Variants in PKD2 observed in about 807,000 individuals in gnomAD.
The protein encoded by PKD2 is polycystin-2.
A neutral mutation model predicts 105.9 loss-of-function variants in PKD2; 48 were observed. The observed-to-expected ratio is 0.45, with a 90% CI of 0.36 to 0.58. PKD2 has a LOEUF of 0.58. Ranked by LOEUF, PKD2 falls within the 20% of genes least tolerant of loss-of-function variation. The pLI, the probability that PKD2 is intolerant of heterozygous loss-of-function variation, is 0.00. For synonymous variants in PKD2, 464 were observed against 481.1 expected (o/e 0.96, Z 0.46); for missense variants, 1,078 against 1,255.3 (o/e 0.86, Z 2.13).
intron 2 of PKD2, among the ~76,000 whole-genome samples, chr4:88,022,364 A>G (rs529809075): frequency 7.4e-4 from 113 of 152,356 alleles, no homozygotes; most frequent in Non-Finnish European, 1.5e-3. Context: ...AGATTGGTCT[A>G]AGAACATCAG....
At position 88,065,363 on chromosome 4, in the gene PKD2, C is replaced by G; in HGVS notation, c.2119-11C>G. 1.2e-6 allele frequency: 2 copies of G among 1,610,244 alleles called. No homozygotes were observed. The highest frequency in any genetic ancestry group is 2.2e-5 in the South Asian group (2 of 90,990). ...CTAAACCAAGTCTTTTATTTTTTCT[C>G]TCTCTGATAGGGCTACCATAAAGCT... On this transcript the variant is annotated splice_polypyrimidine_tract_variant and intron_variant, in intron 10 of 14. Coordinates refer to ENST00000237596, the MANE Select transcript of PKD2 (RefSeq NM_000297.4).
At chr4:88,057,436 CTTT>C (rs770879919) in intron 8 of PKD2, among the ~76,000 whole-genome samples, 8 of 134,338 alleles carry the variant, frequency 6.0e-5, no homozygotes, top group Admixed American at 7.5e-5. Context: ...ATTGTATTTT[CTTT>C]TTTTTTTTTT....
chr4:88,038,262 C>T lies in PKD2; in HGVS notation c.855C>T (p.Gly285=). ...SMEDFWKFTE[G]SLLDGLYWKM... is the part of the protein sequence containing the mutation. The stretch of plus-strand genomic sequence containing the variant: ...TCCTTTGCTTTTAGTTCACAGAAGG[C>T]TCCTTATTGGATGGGCTGTACTGGA... The change falls in exon 4 of 15, where the codon GGC becomes GGT. Residue 285 remains glycine, a synonymous_variant. Transcript: ENST00000237596. The T allele has an allele frequency of 6.2e-7, 1 of 1,614,064 alleles. No homozygotes were observed.
intron 4 of PKD2, among the ~76,000 whole-genome samples, chr4:88,039,026 TG>T (rs1403071587): frequency 6.6e-6 from 1 of 152,246 alleles, no homozygotes; most frequent in Non-Finnish European, 1.5e-5. Flanking sequence ...AGGGGCTTTT[TG>T]TACACTTTGG....
At chr4:88,070,882 G>T (rs545211816) in intron 13 of PKD2, among the ~76,000 whole-genome samples, 1 of 150,694 alleles carries the variant, frequency 6.6e-6, no homozygotes, top group East Asian at 2.0e-4. Flanking sequence ...TGATCCTTCC[G>T]CCTCGGCCTC....
At chr4:88,010,074 A>C (rs1726331831) in intron 1 of PKD2, among the ~76,000 whole-genome samples, 2 of 151,950 alleles carry the variant, frequency 1.3e-5, no homozygotes. Context: ...TTTGTAGGAG[A>C]GCAGACTCAG....
chr4:88,056,071 T>C lies in PKD2; in HGVS notation c.1717-15T>C, dbSNP rs1244189478. ...GTTTATCCATTCATCTATTGATGTC[T>C]TCTCTCTCTTACAGCTCTTCAAATT... is the stretch of plus-strand genomic sequence containing the variant. On this transcript the variant is annotated splice_polypyrimidine_tract_variant and intron_variant, in intron 7 of 14. Transcript: ENST00000237596. 6.4e-7 allele frequency: 1 copy of C among 1,567,376 alleles called. No homozygotes were observed. Among genetic ancestry groups the C allele is most frequent in the Non-Finnish European group, 8.8e-7 (1 of 1,137,544 alleles).
intron 9 of PKD2, among the ~76,000 whole-genome samples, chr4:88,059,184 A>G (rs1320411725): frequency 1.3e-5 from 2 of 152,196 alleles, no homozygotes; most frequent in Non-Finnish European, 2.9e-5. Context: ...TGTAAAACAA[A>G]GGTGTGTTCC....
intron 6 of PKD2, among the ~76,000 whole-genome samples, chr4:88,051,329 T>C (rs955296300): frequency 6.6e-6 from 1 of 152,204 alleles, no homozygotes; most frequent in East Asian, 1.9e-4. Context: ...AGGATATCTT[T>C]TGTCCCTCTT....
Position 88,007,691 on chromosome 4 carries a change from AGCGCGGCGCCGC to A in PKD2, c.-40_-29del. On this transcript the variant is annotated 5_prime_UTR_variant, in exon 1 of 15. Coordinates refer to ENST00000237596, the MANE Select transcript of PKD2 (RefSeq NM_000297.4). ...ATGGCTCCTGAGGCGCACAGCGCCG[AGCGCGGCGCCGC>A]GCACCCGCGCGCCGGACGCCAGTGA... is the stretch of plus-strand genomic sequence containing the variant. 2 of 1,133,498 alleles carry A rather than the reference AGCGCGGCGCCGC, an allele frequency of 1.8e-6. No homozygotes were observed. Among genetic ancestry groups the A allele is most frequent in the Non-Finnish European group, 2.2e-6 (2 of 920,884 alleles). 70.2% of individuals were successfully genotyped at this position (1,133,498 alleles called of 1,614,324 possible).
rs758660698 is a variant in PKD2, at chr4:88,062,003, A to T, written c.2117A>T (p.Lys706Met). The T allele has an allele frequency of 1.4e-6, 2 of 1,443,390 alleles. No homozygotes were observed. Among genetic ancestry groups the T allele is most frequent in the South Asian group, 2.3e-5 (2 of 87,270 alleles). The allele number at this position is 1,443,390 out of a possible 1,614,324, so 89.4% of individuals were successfully genotyped here. A position where few individuals can be genotyped will look rare whatever the true frequency, so the allele number is the denominator to read the frequency against. ...ATGGAACTCTCAGATCTTATCAGAA[A>T]GGTAGGAAAAACCTTAATTCTCAGA... Reference protein sequence around the residue: ...AEMELSDLIRKGYHKALVKLK... With the variant: ...AEMELSDLIRMGYHKALVKLK... Residue 706 changes from lysine (K) to methionine (M), a missense_variant and splice_region_variant, in exon 10 of 15, where the codon AAG becomes ATG. Physicochemically the swap from Lys to Met is moderately conservative, Grantham distance 95. Transcript: ENST00000237596.
chr4:88,065,838 C>T lies in PKD2; in HGVS notation c.2317C>T (p.His773Tyr), dbSNP rs1444080271. Residue 773 changes from histidine (H) to tyrosine (Y), a missense_variant, in exon 12 of 15, where the codon CAT (histidine) becomes TAT (tyrosine). By Grantham distance (83) the His-to-Tyr change is moderately conservative (BLOSUM62 2). Coordinates refer to ENST00000237596, the MANE Select transcript of PKD2 (RefSeq NM_000297.4). ...DQDGDQELTEHEHQQMRDDLE... is the reference protein window; with the variant it reads ...DQDGDQELTEYEHQQMRDDLE... The stretch of plus-strand genomic sequence containing the variant: ...AGATGGAGACCAAGAACTGACCGAA[C>T]ATGAACATCAGCAGATGAGAGACGA... The T allele has an allele frequency of 1.2e-6, 2 of 1,613,152 alleles. No individual in the cohort carries two copies. The highest frequency in any genetic ancestry group is 1.7e-6 in the Non-Finnish European group (2 of 1,179,286).
chr4:88,023,769 G>A (rs951594141), intron 2 of PKD2, among the ~76,000 whole-genome samples: 4 of 152,200 alleles, frequency 2.6e-5, no homozygotes, highest in African/African-American at 9.7e-5. Flanking sequence ...GTAGTAGTAA[G>A]AAGTTATTCT....
intron 1 of PKD2, 54 bp from the exon 2 acceptor site, chr4:88,019,404 T>G (rs1221077799): frequency 4.0e-5 from 37 of 916,666 alleles, no homozygotes; most frequent in Non-Finnish European, 5.7e-5. Context: ...TTGCCATTCA[T>G]GAGATTTCTT....
In PKD2 at chr4:88,075,823, T is replaced by G; in HGVS notation, c.*129T>G. 1 of 758,506 alleles carries G rather than the reference T, an allele frequency of 1.3e-6. No homozygotes were observed. 47.0% of individuals were successfully genotyped at this position (758,506 alleles called of 1,614,324 possible). A position where few individuals can be genotyped will look rare whatever the true frequency, so the allele number is the denominator to read the frequency against. ...AGTCTTTGTGACCGATTGCTAATCT[T>G]CTGCACTTTAATTTATTTTATATAA... is the stretch of plus-strand genomic sequence containing the variant. On this transcript the variant is annotated 3_prime_UTR_variant, in exon 15 of 15. Coordinates refer to ENST00000237596, the MANE Select transcript of PKD2 (RefSeq NM_000297.4).
intron 10 of PKD2, among the ~76,000 whole-genome samples, chr4:88,064,471 G>A (rs1164636360): frequency 6.6e-6 from 1 of 152,136 alleles, no homozygotes; most frequent in African/African-American, 2.4e-5. Flanking sequence ...ATTAAAAGTT[G>A]TAAAGATCAC....
chr4:88,024,457 G>GAAAA (rs552942631), intron 2 of PKD2, among the ~76,000 whole-genome samples: 486 of 49,964 alleles, frequency 9.7e-3, no homozygotes, highest in Non-Finnish European at 0.012. Context: ...ACTCTGTCTC[G>GAAAA]AAAAAAAAAA....
chr4:88,021,253 A>G (rs949382676), intron 2 of PKD2, among the ~76,000 whole-genome samples: 5 of 152,164 alleles, frequency 3.3e-5, no homozygotes, highest in African/African-American at 1.2e-4. Context: ...TAAAATACAT[A>G]TGTGGTTTTC....
At chr4:88,070,180 T>A (rs1159035661) in intron 13 of PKD2, among the ~76,000 whole-genome samples, 1 of 152,190 alleles carries the variant, frequency 6.6e-6, no homozygotes, top group African/African-American at 2.4e-5. Flanking sequence ...GCTTGTATTG[T>A]TTCTGATGAG....
Sources: gnomAD v4.1 joint callset for allele counts (sites outside exome capture counted in the v4.1 genomes callset) on GRCh38, gnomAD v4.1.1 for gene constraint, MANE v1.5 for transcripts, NCBI Gene and HGNC (gene_info 2026-07-23, HGNC 2026-07-21) for gene names.